The following MALRD1 variants were observed in gnomAD, a reference collection of about 807,000 sequenced individuals.
MALRD1 encodes the protein MAM and LDL-receptor class A domain-containing protein 1.
Under a neutral mutation model 242.1 loss-of-function variants are expected in MALRD1, and 247 were observed. The ratio of observed to expected loss-of-function variants is 1.02; its 90% confidence interval spans 0.92 to 1.13. The LOEUF (loss-of-function observed/expected upper bound fraction) is 1.13, where lower values mean the gene tolerates loss of function less well. MALRD1 is among the 50% of genes most tolerant of loss of function. MALRD1 has a pLI of 0.00. For synonymous variants in MALRD1, 995 were observed against 866.6 expected (o/e 1.15, Z -2.60); for missense variants, 2,989 against 2,533.1 (o/e 1.18, Z -3.86).
intron 36 of MALRD1, among the ~76,000 whole-genome samples, chr10:19,656,014 G>C (rs1420251193): frequency 6.6e-6 from 1 of 152,130 alleles, no homozygotes; most frequent in Non-Finnish European, 1.5e-5. Context: ...ATTGTAGATA[G>C]TAATGGAACC....
chr10:19,065,322 GAGAA>G (rs1834944293), intron 1 of MALRD1, among the ~76,000 whole-genome samples: 2 of 132,656 alleles, frequency 1.5e-5, no homozygotes, highest in South Asian at 2.4e-4. Flanking sequence ...AAGAAAGAAA[GAGAA>G]AGAAAGCAAG....
chr10:19,607,414 T>C (rs895368036), intron 34 of MALRD1, among the ~76,000 whole-genome samples: 6 of 152,098 alleles, frequency 3.9e-5, no homozygotes, highest in African/African-American at 1.4e-4. Context: ...CTGTATGTCA[T>C]TGCATCCCTG....
chr10:19,234,321 C>G (rs1166929550), intron 18 of MALRD1, among the ~76,000 whole-genome samples: 1 of 151,888 alleles, frequency 6.6e-6, no homozygotes, highest in African/African-American at 2.4e-5. Context: ...CTTAAAAATA[C>G]TCTCATCTTT....
At chr10:19,266,993 C>G (rs1839999553) in intron 19 of MALRD1, among the ~76,000 whole-genome samples, 1 of 151,958 alleles carries the variant, frequency 6.6e-6, no homozygotes, top group South Asian at 2.1e-4. Context: ...TTTCATTATT[C>G]TTTCTGTCCT....
At chr10:19,375,725 A>G (rs1564605629) in intron 26 of MALRD1, among the ~76,000 whole-genome samples, 3 of 152,230 alleles carry the variant, frequency 2.0e-5, no homozygotes, top group Non-Finnish European at 4.4e-5. Flanking sequence ...CCACACGCTA[A>G]CAAAACTCAA....
intron 36 of MALRD1, among the ~76,000 whole-genome samples, chr10:19,670,591 A>G (rs1841870991): frequency 6.6e-6 from 1 of 152,206 alleles, no homozygotes. Context: ...GATTCGTCTT[A>G]TTCATTTCAT....
chr10:19,168,349 A>G (rs532007843), intron 13 of MALRD1, among the ~76,000 whole-genome samples: 7 of 152,328 alleles, frequency 4.6e-5, no homozygotes, highest in South Asian at 2.1e-4. Flanking sequence ...TTTATATTCT[A>G]TAGAAAATTG....
At chr10:19,490,239 C>T (rs955655649) in intron 29 of MALRD1, among the ~76,000 whole-genome samples, 3 of 151,810 alleles carry the variant, frequency 2.0e-5, no homozygotes, top group Admixed American at 1.3e-4. Flanking sequence ...TTTCCTTTGT[C>T]CATTTAAAAT....
At chr10:19,693,068 C>A (rs1281011036) in intron 38 of MALRD1, among the ~76,000 whole-genome samples, 1 of 151,780 alleles carries the variant, frequency 6.6e-6, no homozygotes, top group Admixed American at 6.6e-5. Flanking sequence ...ATGGATGGGA[C>A]ATATCTCAAA....
At chr10:19,065,704 A>ACCATGTGCTC (rs1443137482) in intron 1 of MALRD1, among the ~76,000 whole-genome samples, 2 of 152,170 alleles carry the variant, frequency 1.3e-5, no homozygotes, top group Admixed American at 1.3e-4. Flanking sequence ...ATTGTGAACA[A>ACCATGTGCTC]CCATGTGCTC....
intron 5 of MALRD1, among the ~76,000 whole-genome samples, chr10:19,121,043 C>CTTT (rs71387043): frequency 0.18 from 19,495 of 106,420 alleles, 2,964 homozygotes; most frequent in East Asian, 0.45. Context: ...TGTGCCCGGC[C>CTTT]TTTTTTTTTT....
At chr10:19,076,457 T>C (rs1835321620) in intron 2 of MALRD1, among the ~76,000 whole-genome samples, 1 of 152,060 alleles carries the variant, frequency 6.6e-6, no homozygotes, top group Non-Finnish European at 1.5e-5. Flanking sequence ...CTTAGGTCTT[T>C]AATCCATCTT....
At chr10:19,692,175 A>T in intron 36 of MALRD1, 107 bp from the exon 37 acceptor site, 1 of 850,970 alleles carries the variant, frequency 1.2e-6, no homozygotes, top group Non-Finnish European at 1.7e-6. Context: ...CCATGTTCCT[A>T]GTATCTCGTT....
chr10:19,438,817 C>T (rs931124184), intron 28 of MALRD1, among the ~76,000 whole-genome samples: 1 of 73,936 alleles, frequency 1.4e-5, no homozygotes, highest in Non-Finnish European at 3.3e-5. Flanking sequence ...CTCAGACAGA[C>T]AAGCCTTCTT....
intron 21 of MALRD1, among the ~76,000 whole-genome samples, chr10:19,303,154 T>G (rs925121446): frequency 6.6e-6 from 1 of 151,530 alleles, no homozygotes; most frequent in Non-Finnish European, 1.5e-5. Flanking sequence ...ATAAACATGT[T>G]AAATAAAAGG....
intron 36 of MALRD1, among the ~76,000 whole-genome samples, chr10:19,655,176 CTTG>C (rs938679268): frequency 2.6e-4 from 40 of 151,210 alleles, no homozygotes; most frequent in East Asian, 5.8e-4. Flanking sequence ...GTTTTTTGTT[CTTG>C]TTGTTGTTGT....
chr10:19,160,726 C>T (rs1271845823), intron 12 of MALRD1, among the ~76,000 whole-genome samples: 16 of 79,146 alleles, frequency 2.0e-4, no homozygotes, highest in Admixed American at 4.5e-4. Context: ...TCCATTTCTT[C>T]TAGATTTTCT....
rs1833347777 is a variant in MALRD1, at chr10:19,136,591, T to A, written c.1221T>A (p.Thr407=). The change falls in exon 10 of 40, where the codon ACT becomes ACA. Residue 407 remains threonine (T), a synonymous_variant. Transcript: ENST00000454679. ...TCCTAAAGATTATTTTTGAAGGGAC[T>A]CTTTTGAGCCAGAGAAGTTTTATTG... ...LKTFKIIFEG[T]LLSQRSFIAL... 1 of 1,231,360 alleles carries A rather than the reference T, an allele frequency of 8.1e-7. No individual in the cohort carries two copies. Among genetic ancestry groups the A allele is most frequent in the African/African-American group, 1.6e-5 (1 of 64,410 alleles). The allele number at this position is 1,231,360 out of a possible 1,614,324, so 76.3% of individuals were successfully genotyped here. A position where few individuals can be genotyped will look rare whatever the true frequency, so the allele number is the denominator to read the frequency against.
intron 18 of MALRD1, among the ~76,000 whole-genome samples, chr10:19,257,247 A>G (rs1271431161): frequency 6.6e-6 from 1 of 152,102 alleles, no homozygotes; most frequent in Non-Finnish European, 1.5e-5. Flanking sequence ...TATCCTAGCA[A>G]GTAACTCTGG....
Sources: allele counts gnomAD v4.1 joint callset (sites outside exome capture counted in the v4.1 genomes callset), GRCh38; gene constraint gnomAD v4.1.1; transcripts MANE v1.5; gene names NCBI Gene and HGNC (gene_info 2026-07-23, HGNC 2026-07-21).